The following OGG1 variants were observed in gnomAD, a reference collection of about 807,000 sequenced individuals.
OGG1 encodes the protein N-glycosylase/DNA lyase.
OGG1 carries 35 observed loss-of-function variants against 42.3 expected under a neutral mutation model. The observed-to-expected ratio is 0.83, with a 90% CI of 0.63 to 1.10. The LOEUF (loss-of-function observed/expected upper bound fraction) is 1.10, where lower values mean the gene tolerates loss of function less well. Ranked by LOEUF, OGG1 falls within the 50% of genes least tolerant of loss-of-function variation. The pLI, the probability that OGG1 is intolerant of heterozygous loss-of-function variation, is 0.00. For missense variants in OGG1, 484 were observed against 446.7 expected, an observed-to-expected ratio of 1.08 and a Z score of -0.75; for synonymous variants, 189 against 179.0, an observed-to-expected ratio of 1.06 and a Z score of -0.44.
intron 2 of OGG1, among the ~76,000 whole-genome samples, chr3:9,779,119 C>T (rs1176786675): frequency 6.6e-6 from 1 of 152,126 alleles, no homozygotes; most frequent in Non-Finnish European, 1.5e-5. Context: ...GTGGAAGAGA[C>T]GTTGTCGGTG....
intron 7 of OGG1, among the ~76,000 whole-genome samples, chr3:9,763,527 A>C (rs2077994443): frequency 6.6e-6 from 1 of 152,124 alleles, no homozygotes; most frequent in Non-Finnish European, 1.5e-5. Context: ...GGGAAAAGCT[A>C]GCTTACCATG....
At chr3:9,780,474 G>C in intron 2 of OGG1, 1 of 1,611,440 alleles carries the variant, frequency 6.2e-7, no homozygotes, top group Non-Finnish European at 8.5e-7. Context: ...TCTTGCGAAA[G>C]GCGTCCATGA....
downstream of OGG1, among the ~76,000 whole-genome samples, chr3:9,790,548 A>G (rs1457901069): frequency 2.0e-5 from 3 of 152,228 alleles, no homozygotes; most frequent in Non-Finnish European, 4.4e-5. Flanking sequence ...TGAGGACCAG[A>G]AAGCCCACCT....
At chr3:9,751,743 C>T in intron 2 of OGG1, 27 bp from the exon 3 acceptor site, 2 of 1,611,644 alleles carry the variant, frequency 1.2e-6, no homozygotes, top group East Asian at 2.2e-5. Context: ...AGGTACCTCT[C>T]CTACCCCCTG....
downstream of OGG1, chr3:9,790,089 C>T: frequency 8.2e-7 from 1 of 1,217,588 alleles, no homozygotes; most frequent in Non-Finnish European, 1.1e-6. Context: ...CCTCTTTTTA[C>T]CTAGTAAACT....
At chr3:9,753,719 A>G (rs562338807) in intron 3 of OGG1, among the ~76,000 whole-genome samples, 3 of 152,258 alleles carry the variant, frequency 2.0e-5, no homozygotes, top group African/African-American at 7.2e-5. Context: ...TAAGGCCTCA[A>G]GAAAGTCATT....
At chr3:9,762,622 C>T (rs1292038194) in intron 7 of OGG1, among the ~76,000 whole-genome samples, 1 of 152,052 alleles carries the variant, frequency 6.6e-6, no homozygotes, top group East Asian at 1.9e-4. Context: ...GTCTCTGCCT[C>T]CTAAAGTGCT....
At chr3:9,778,838 G>A (rs549178027) in intron 2 of OGG1, among the ~76,000 whole-genome samples, 15 of 152,326 alleles carry the variant, frequency 9.8e-5, no homozygotes, top group African/African-American at 2.9e-4. Context: ...CAAGAACCAT[G>A]TGTGATGGGG....
chr3:9,773,844 C>A (rs1437452111), intron 2 of OGG1, among the ~76,000 whole-genome samples: 1 of 152,054 alleles, frequency 6.6e-6, no homozygotes, highest in Non-Finnish European at 1.5e-5. Context: ...AGGTGTGTAC[C>A]ACCATACCTG....
intron 3 of OGG1, chr3:9,783,324 T>G (rs1367099946): frequency 6.6e-6 from 1 of 151,846 alleles, no homozygotes; most frequent in Non-Finnish European, 1.5e-5. Flanking sequence ...AAATTTTTTT[T>G]CTTTTTTTTT....
At chr3:9,758,352 C>A (rs1434565191), downstream of OGG1, 1 of 155,296 alleles carries the variant, frequency 6.4e-6, no homozygotes, top group East Asian at 1.9e-4. Flanking sequence ...TGTTTCTGTC[C>A]CTGTGATAAC....
downstream of OGG1, chr3:9,759,545 A>G: frequency 6.2e-7 from 1 of 1,614,090 alleles, no homozygotes; most frequent in Non-Finnish European, 8.5e-7. Flanking sequence ...ACTGGTGGAT[A>G]TTCTTATCTA....
rs781678971 is a variant in OGG1 at position 9,756,595 on chromosome 3, C to T, written c.872C>T (p.Pro291Leu). Residue 291 changes from proline to leucine, a missense_variant, in exon 5 of 7, where the codon CCG (proline) becomes CTG (leucine). Pro to Leu is a moderately conservative substitution (Grantham distance 98, BLOSUM62 -3). Coordinates refer to ENST00000344629, the MANE Select transcript of OGG1 (RefSeq NM_002542.6). ...CCTACCACGTCCCAGGCGAAGGGACCGAGCCCCCAGACCAACAAGGAACTG... is the reference window on the plus strand; with the variant it reads ...CCTACCACGTCCCAGGCGAAGGGACTGAGCCCCCAGACCAACAAGGAACTG... ...WHPTTSQAKG[P>L]SPQTNKELGN... The T allele has an allele frequency of 8.1e-6, 13 of 1,613,930 alleles. No individual in the cohort carries two copies. In the African/African-American group the frequency reaches 1.2e-4, roughly 15 times the overall value.
At chr3:9,760,790 C>T, downstream of OGG1, 1 of 1,613,628 alleles carries the variant, frequency 6.2e-7, no homozygotes, top group African/African-American at 1.3e-5. Context: ...GAAACTCATC[C>T]TCATTTCCAC....
At chr3:9,771,171 G>C (rs1276944727), downstream of OGG1, among the ~76,000 whole-genome samples, 1 of 151,874 alleles carries the variant, frequency 6.6e-6, no homozygotes, top group Admixed American at 6.6e-5. Context: ...GGGACTACAG[G>C]TGCGTGCCAC....
chr3:9,753,047 C>CA (rs2077375157), intron 3 of OGG1, among the ~76,000 whole-genome samples: 1 of 151,628 alleles, frequency 6.6e-6, no homozygotes, highest in African/African-American at 2.4e-5. Context: ...GACTCCATCT[C>CA]AAAACAAACA....
Position 9,754,516 on chromosome 3 carries a change from A to G in OGG1, c.566-188A>G, listed in dbSNP as rs556502362. Among the ~76,000 whole-genome samples, 15 of 152,342 alleles carry G rather than the reference A, an allele frequency of 9.8e-5. No individual in the cohort carries two copies. The East Asian group carries it at 2.3e-3, about 23-fold the overall frequency. On this transcript the variant is annotated intron_variant, in intron 3 of 6. Transcript: ENST00000344629. ...TAGCAGGTGCTCAGAAAACATGTGTAGAGGGACAGGACCCAGGCCTAACCC... is the reference window on the plus strand; with the variant it reads ...TAGCAGGTGCTCAGAAAACATGTGTGGAGGGACAGGACCCAGGCCTAACCC...
intron 7 of OGG1, among the ~76,000 whole-genome samples, chr3:9,764,973 G>A (rs73021455): frequency 1.8e-4 from 28 of 151,930 alleles, no homozygotes; most frequent in Non-Finnish European, 3.5e-4. Context: ...GGTGGCTCAT[G>A]CCTAGCACTT....
intron 7 of OGG1, among the ~76,000 whole-genome samples, chr3:9,763,422 A>AC (rs1491286611): frequency 6.6e-6 from 1 of 150,788 alleles, no homozygotes; most frequent in Non-Finnish European, 1.5e-5. Flanking sequence ...AAAAAAAAAA[A>AC]CAGCGGTTTA....
Sources: allele counts gnomAD v4.1 joint callset (sites outside exome capture counted in the v4.1 genomes callset), GRCh38; gene constraint gnomAD v4.1.1; transcripts MANE v1.5; gene names NCBI Gene and HGNC (gene_info 2026-07-23, HGNC 2026-07-21).